The following FGFR2 variants were observed in gnomAD, a reference collection of about 807,000 sequenced individuals.
The protein encoded by FGFR2 is fibroblast growth factor receptor 2, also known as BEK fibroblast growth factor receptor.
FGFR2 carries 19 observed loss-of-function variants against 95.9 expected under a neutral mutation model. That is an observed-to-expected ratio of 0.20 (90% confidence interval 0.14 to 0.29). FGFR2 has a LOEUF of 0.29. Among genes scored for constraint, FGFR2 ranks in the 10% least tolerant of loss-of-function variants. FGFR2 has a pLI of 1.00. For missense variants in FGFR2, 707 were observed against 1,056.9 expected (o/e 0.67, Z 4.59); for synonymous variants, 392 against 393.3 (o/e 1.00, Z 0.04).
At chr10:121,526,517 GTT>G (rs1284510530) in intron 6 of FGFR2, among the ~76,000 whole-genome samples, 7 of 152,184 alleles carry the variant, frequency 4.6e-5, no homozygotes, top group African/African-American at 1.7e-4. Flanking sequence ...TCTGAGTTTT[GTT>G]TTGTTTTCCC....
At chr10:121,537,285 T>C (rs1285342581) in intron 6 of FGFR2, among the ~76,000 whole-genome samples, 1 of 152,236 alleles carries the variant, frequency 6.6e-6, no homozygotes, top group Non-Finnish European at 1.5e-5. Context: ...CCCTGAATGC[T>C]TATATGCAAA....
Position 121,478,831 on chromosome 10 carries a change from C to T in FGFR2, c.*1026G>A, listed in dbSNP as rs1564841169. The stretch of plus-strand genomic sequence containing the variant: ...GAAGGCCAGCTGCCAGAGAGAAGCA[C>T]ATTCTGCTATCATTTCAACTAAGGT... On this transcript the variant is annotated 3_prime_UTR_variant, in exon 18 of 18. Coordinates refer to ENST00000358487, the MANE Select transcript of FGFR2 (RefSeq NM_000141.5). The T allele has an allele frequency of 4.3e-6, 1 of 233,622 alleles. No homozygotes were observed. Among genetic ancestry groups the T allele is most frequent in the Non-Finnish European group, 8.5e-6 (1 of 117,988 alleles). 14.5% of individuals were successfully genotyped at this position (233,622 alleles called of 1,614,324 possible).
At chr10:121,526,420 G>A (rs1390390509) in intron 6 of FGFR2, among the ~76,000 whole-genome samples, 3 of 152,200 alleles carry the variant, frequency 2.0e-5, no homozygotes, top group Non-Finnish European at 4.4e-5. Flanking sequence ...AAGGCCCCAC[G>A]CTAATTACAA....
chr10:121,511,102 G>A (rs1848998301), intron 9 of FGFR2, among the ~76,000 whole-genome samples: 1 of 151,876 alleles, frequency 6.6e-6, no homozygotes, highest in African/African-American at 2.4e-5. Context: ...ACGGCACCCA[G>A]TCTGCTCTTG....
chr10:121,545,957 T>A (rs1477430959), intron 5 of FGFR2, among the ~76,000 whole-genome samples: 1 of 152,172 alleles, frequency 6.6e-6, no homozygotes, highest in African/African-American at 2.4e-5. Context: ...CACAGTCACG[T>A]TGAATGAGCC....
intron 15 of FGFR2, among the ~76,000 whole-genome samples, chr10:121,486,249 T>G (rs1159604597): frequency 1.3e-5 from 2 of 152,120 alleles, no homozygotes; most frequent in Non-Finnish European, 2.9e-5. Context: ...GATGGTGGTG[T>G]TTCACTCCGC....
At chr10:121,589,206 G>A (rs998519482) in intron 2 of FGFR2, among the ~76,000 whole-genome samples, 26 of 152,138 alleles carry the variant, frequency 1.7e-4, no homozygotes, top group Non-Finnish European at 4.4e-5. Context: ...ACTAAAATTC[G>A]CTTCCATGGA....
At chr10:121,490,492 G>A (rs892607764) in intron 13 of FGFR2, among the ~76,000 whole-genome samples, 33 of 152,178 alleles carry the variant, frequency 2.2e-4, no homozygotes, top group African/African-American at 7.9e-4. Context: ...CAAATGATAC[G>A]CTACTGTGAG....
At chr10:121,597,830 C>A (rs1009432319) in intron 1 of FGFR2, 132 bp downstream of exon 1, 1 of 358,004 alleles carries the variant, frequency 2.8e-6, no homozygotes, top group Non-Finnish European at 5.0e-6. Flanking sequence ...AGGGAGGACA[C>A]GGAGCGTCCT....
In FGFR2 at chr10:121,487,575, G is replaced by GA; in HGVS notation, c.1987-152dup. ...AGAAATCAGTCCCAATGAGGACCAT[G>GA]AACAATGTGTGAGATGCACAGGTCT... On this transcript the variant is annotated intron_variant, in intron 14 of 17. Coordinates refer to ENST00000358487, the MANE Select transcript of FGFR2 (RefSeq NM_000141.5). 5.6e-6 allele frequency: 4 copies of GA among 712,628 alleles called. No individual in the cohort carries two copies. In the East Asian group the frequency reaches 1.1e-4, roughly 19 times the overall value. 44.1% of individuals were successfully genotyped at this position (712,628 alleles called of 1,614,324 possible).
chr10:121,577,185 A>AGAGAGAGAGAGAGAGAGAGAGG (rs1564725917), intron 2 of FGFR2, among the ~76,000 whole-genome samples: 23 of 114,830 alleles, frequency 2.0e-4, no homozygotes, highest in African/African-American at 7.3e-4. Flanking sequence ...ATATAGAGAG[A>AGAGAGAGAGAGAGAGAGAGAGG]GAGAGAGAGA....
intron 4 of FGFR2, among the ~76,000 whole-genome samples, chr10:121,556,102 T>TTGGA (rs58257467): frequency 0.012 from 1,784 of 152,014 alleles, 21 homozygotes; most frequent in Non-Finnish European, 0.019. Flanking sequence ...TCAAGCGTTA[T>TTGGA]TGGATGGATG....
At chr10:121,564,481 C>T (rs751109931) in intron 4 of FGFR2, 21 bp downstream of exon 4, 18 of 1,608,488 alleles carry the variant, frequency 1.1e-5, no homozygotes, top group Admixed American at 6.7e-5. Context: ...CGGGGACCAT[C>T]GGAGCCGGGC....
intron 4 of FGFR2, among the ~76,000 whole-genome samples, chr10:121,559,848 T>A (rs1442050142): frequency 1.3e-5 from 2 of 152,220 alleles, no homozygotes; most frequent in African/African-American, 4.8e-5. Context: ...GTCCACAGCA[T>A]ATAATCCTTC....
At position 121,479,612 on chromosome 10, in the gene FGFR2, T is replaced by C; in HGVS notation, c.*245A>G. On this transcript the variant is annotated 3_prime_UTR_variant, in exon 18 of 18. Coordinates refer to ENST00000358487, the MANE Select transcript of FGFR2 (RefSeq NM_000141.5). ...GTCCACAGCCAGTACGCACGGCAGG[T>C]GAGAGGGGTTACATGGTGGCTTGTG... is the stretch of plus-strand genomic sequence containing the variant. 1 of 1,551,718 alleles carries C rather than the reference T, an allele frequency of 6.4e-7. No individual in the cohort carries two copies. The highest frequency in any genetic ancestry group is 8.7e-7 in the Non-Finnish European group (1 of 1,146,978).
intron 3 of FGFR2, 52 bp from the exon 4 acceptor site, chr10:121,564,631 G>T (rs775333390): frequency 1.3e-6 from 2 of 1,547,706 alleles, no homozygotes; most frequent in Non-Finnish European, 1.8e-6. Flanking sequence ...AAGCAAAAAG[G>T]TTGCAATTAT....
At chr10:121,555,078 A>G (rs1433872622) in intron 4 of FGFR2, among the ~76,000 whole-genome samples, 1 of 152,212 alleles carries the variant, frequency 6.6e-6, no homozygotes, top group East Asian at 1.9e-4. Context: ...AATCTTATCT[A>G]AAATGAATCT....
intron 2 of FGFR2, among the ~76,000 whole-genome samples, chr10:121,586,366 C>G (rs1469296099): frequency 1.3e-5 from 2 of 152,202 alleles, no homozygotes; most frequent in Non-Finnish European, 2.9e-5. Flanking sequence ...ACACATTCAG[C>G]ATAACCTGAA....
intron 2 of FGFR2, among the ~76,000 whole-genome samples, chr10:121,575,409 A>T (rs1859562523): frequency 6.6e-6 from 1 of 152,154 alleles, no homozygotes; most frequent in Admixed American, 6.5e-5. Flanking sequence ...AGATGCACAG[A>T]GGGAAGGTTT....
Sources: gnomAD v4.1 joint callset for allele counts (sites outside exome capture counted in the v4.1 genomes callset) on GRCh38, gnomAD v4.1.1 for gene constraint, MANE v1.5 for transcripts, NCBI Gene and HGNC (gene_info 2026-07-23, HGNC 2026-07-21) for gene names.